TBC1D8: variants seen among roughly 807,000 people sequenced by gnomAD.
The protein encoded by TBC1D8 is TBC1 domain family member 8, also known as BUB2-like protein 1.
In TBC1D8, 65 loss-of-function variants were observed where a neutral mutation model predicts 118.8. The observed-to-expected ratio is 0.55, with a 90% CI of 0.45 to 0.67. The LOEUF (loss-of-function observed/expected upper bound fraction) is 0.67, where lower values mean the gene tolerates loss of function less well. Among genes scored for constraint, TBC1D8 ranks in the 30% least tolerant of loss-of-function variants. TBC1D8 has a pLI of 0.00. For synonymous variants in TBC1D8, 566 were observed against 595.8 expected (o/e 0.95, Z 0.73); for missense variants, 1,376 against 1,471.2 (o/e 0.94, Z 1.06).
chr2:101,090,401 A>C (rs767677313), intron 1 of TBC1D8, 37 bp from the exon 2 acceptor site: 4 of 1,611,476 alleles, frequency 2.5e-6, no homozygotes, highest in Non-Finnish European at 3.4e-6. Context: ...ACCTGTGAGC[A>C]TGGGGCTGGC....
chr2:101,110,498 C>CTGGA (rs1318208219), intron 1 of TBC1D8, among the ~76,000 whole-genome samples: 2 of 152,118 alleles, frequency 1.3e-5, no homozygotes, highest in Non-Finnish European at 2.9e-5. Flanking sequence ...TGATGGAAAA[C>CTGGA]GTTATTACTG....
chr2:101,094,864 A>T (rs1676291156), intron 1 of TBC1D8, among the ~76,000 whole-genome samples: 1 of 152,236 alleles, frequency 6.6e-6, no homozygotes, highest in South Asian at 2.1e-4. Context: ...CAGACTATTC[A>T]GAGAACGAAG....
chr2:101,042,895 G>C (rs1219309926), intron 5 of TBC1D8, among the ~76,000 whole-genome samples: 1 of 152,154 alleles, frequency 6.6e-6, no homozygotes, highest in Non-Finnish European at 1.5e-5. Context: ...GCACGATCTG[G>C]TTGTGAGGCC....
At chr2:101,030,117 T>A (rs1038824039) in intron 11 of TBC1D8, 2 of 177,380 alleles carry the variant, frequency 1.1e-5, no homozygotes, top group African/African-American at 4.7e-5. Context: ...TTAGAAGAGA[T>A]TTAAGAAAAA....
chr2:101,088,363 C>T (rs927584181), intron 2 of TBC1D8, among the ~76,000 whole-genome samples: 18 of 151,958 alleles, frequency 1.2e-4, no homozygotes, highest in Admixed American at 9.2e-4. Context: ...GGCATAATCT[C>T]GGCTCACTAC....
chr2:101,024,836 G>A (rs182622932), intron 15 of TBC1D8, among the ~76,000 whole-genome samples: 95 of 152,326 alleles, frequency 6.2e-4, no homozygotes, highest in African/African-American at 2.2e-3. Flanking sequence ...CTGGGGTCCA[G>A]GAAATGCACA....
At chr2:101,036,522 G>A (rs1452282637) in intron 8 of TBC1D8, among the ~76,000 whole-genome samples, 1 of 152,092 alleles carries the variant, frequency 6.6e-6, no homozygotes, top group African/African-American at 2.4e-5. Flanking sequence ...GGGGACGCTG[G>A]GGGAAGCTTT....
At chr2:101,011,931 T>A (rs753470008) in intron 17 of TBC1D8, among the ~76,000 whole-genome samples, 2 of 152,234 alleles carry the variant, frequency 1.3e-5, no homozygotes, top group Non-Finnish European at 2.9e-5. Flanking sequence ...GTGGAGTAAT[T>A]GGTAATGATG....
intron 1 of TBC1D8, among the ~76,000 whole-genome samples, chr2:101,124,787 T>C (rs1239348073): frequency 6.6e-6 from 1 of 152,122 alleles, no homozygotes; most frequent in African/African-American, 2.4e-5. Flanking sequence ...CTTAGGAAGC[T>C]GTGGAAAAAA....
chr2:101,036,385 G>A (rs1367767298), intron 8 of TBC1D8, among the ~76,000 whole-genome samples: 1 of 152,054 alleles, frequency 6.6e-6, no homozygotes, highest in African/African-American at 2.4e-5. Context: ...GGCCCTGCAG[G>A]AGCTCAGAGC....
At chr2:101,040,147 C>A in intron 6 of TBC1D8, 31 bp downstream of exon 6, 2 of 1,604,038 alleles carry the variant, frequency 1.2e-6, no homozygotes, top group Non-Finnish European at 1.7e-6. Flanking sequence ...CAAAAGGCTG[C>A]TTCGGGAAGC....
chr2:101,010,967 T>G lies in TBC1D8; in HGVS notation c.2977A>C (p.Lys993Gln). The G allele has an allele frequency of 6.2e-7, 1 of 1,613,172 alleles. No individual in the cohort carries two copies. Among genetic ancestry groups the G allele is most frequent in the Non-Finnish European group, 8.5e-7 (1 of 1,179,900 alleles). ...GGCAATTCTTTCTCAGTTTTATCTT[T>G]TTCTTTGGCTAAATCCTTAATCATC... ...KQMIKDLAKE[K>Q]DKTEKELPKM... The change falls in exon 19 of 20, where the codon AAA (lysine) becomes CAA (glutamine). Residue 993 changes from lysine to glutamine, a missense_variant. Coordinates refer to ENST00000409318, the MANE Select transcript of TBC1D8 (RefSeq NM_001330348.2).
intron 1 of TBC1D8, among the ~76,000 whole-genome samples, chr2:101,133,677 A>G (rs565617870): frequency 5.8e-4 from 89 of 152,230 alleles, no homozygotes; most frequent in Middle Eastern, 6.8e-3. Flanking sequence ...CCACCCTCAT[A>G]ACCTAATCAC....
intron 6 of TBC1D8, among the ~76,000 whole-genome samples, chr2:101,039,499 T>G (rs918383727): frequency 6.6e-6 from 1 of 152,122 alleles, no homozygotes; most frequent in Non-Finnish European, 1.5e-5. Flanking sequence ...CAAAGAAGAA[T>G]GCTCAGTACG....
At chr2:101,062,816 A>G (rs560106128) in intron 2 of TBC1D8, among the ~76,000 whole-genome samples, 5 of 152,026 alleles carry the variant, frequency 3.3e-5, no homozygotes, top group Non-Finnish European at 5.9e-5. Context: ...TAACTTTTGT[A>G]TTGTTAGTAG....
At position 101,035,989 on chromosome 2, in the gene TBC1D8, A is replaced by G. The variant is rs185545516; in HGVS notation, c.1603+29T>C. 2.0e-3 allele frequency: 3,224 copies of G among 1,611,602 alleles called. 4 individuals are homozygous for G. The highest frequency in any genetic ancestry group is 7.3e-3 in the Middle Eastern group (42 of 5,788). On this transcript the variant is annotated intron_variant, in intron 9 of 19. Coordinates refer to ENST00000409318, the MANE Select transcript of TBC1D8 (RefSeq NM_001330348.2). ...TCCTGTGTCCATGACAAAAAGAACA[A>G]TTAGCTTCGAGACACCAAGAGCGCT...
Position 101,018,097 on chromosome 2 carries a change from A to C in TBC1D8, c.2827+3584T>G, listed in dbSNP as rs547557660. 1.0e-4 allele frequency: 62 copies of C among 622,074 alleles called. No homozygotes were observed. The East Asian group carries it at 1.5e-3, about 16-fold the overall frequency. The allele number at this position is 622,074 out of a possible 1,614,324, so 38.5% of individuals were successfully genotyped here. A position where few individuals can be genotyped will look rare whatever the true frequency, so the allele number is the denominator to read the frequency against. On this transcript the variant is annotated intron_variant, in intron 17 of 19. Coordinates refer to ENST00000409318, the MANE Select transcript of TBC1D8 (RefSeq NM_001330348.2). ...GCTAATGGGACTAGATTTTGAATCCAATCAACACTTTTTCATATAAAGTTT... is the reference window on the plus strand; with the variant it reads ...GCTAATGGGACTAGATTTTGAATCCCATCAACACTTTTTCATATAAAGTTT...
rs552019177 is a variant in TBC1D8, at chr2:101,145,426, A to C, written c.127+5701T>G. 2.0e-5 allele frequency among the ~76,000 whole-genome samples: 3 copies of C among 152,342 alleles called. No individual in the cohort carries two copies. In the East Asian group the frequency reaches 5.8e-4, roughly 29 times the overall value. ...TAAGACTCTGGAGCCAACATCTGGG[A>C]CTTCTATAGAATGCAACAGGCTGCC... On this transcript the variant is annotated intron_variant, in intron 1 of 19. Transcript: ENST00000409318.
intron 5 of TBC1D8, among the ~76,000 whole-genome samples, chr2:101,047,402 T>G (rs1681778679): frequency 6.6e-6 from 1 of 152,168 alleles, no homozygotes; most frequent in Non-Finnish European, 1.5e-5. Flanking sequence ...GCAGCCATTA[T>G]CTGGGAAGGG....
Sources: gnomAD v4.1 joint callset for allele counts (sites outside exome capture counted in the v4.1 genomes callset) on GRCh38, gnomAD v4.1.1 for gene constraint, MANE v1.5 for transcripts, NCBI Gene and HGNC (gene_info 2026-07-23, HGNC 2026-07-21) for gene names.